MTNR1A: variants seen among roughly 807,000 people sequenced by gnomAD.
The protein encoded by MTNR1A is melatonin receptor type 1A.
In MTNR1A, 7 loss-of-function variants were observed where a neutral mutation model predicts 5.5. That is an observed-to-expected ratio of 1.28 (90% CI 0.73 to 2.40). The LOEUF (loss-of-function observed/expected upper bound fraction) is 2.40. MTNR1A is among the 30% of genes most tolerant of loss of function. MTNR1A has a pLI of 0.00. For synonymous variants in MTNR1A, 196 were observed against 202.7 expected (o/e 0.97, Z 0.28); for missense variants, 441 against 464.4 (o/e 0.95, Z 0.46).
At chr4:186,547,983 G>A (rs530538193) in intron 1 of MTNR1A, among the ~76,000 whole-genome samples, 1 of 152,128 alleles carries the variant, frequency 6.6e-6, no homozygotes, top group African/African-American at 2.4e-5. Context: ...CAGCCTGACT[G>A]GTTCAGCCTT....
chr4:186,539,489 C>T (rs1192967379), intron 1 of MTNR1A, among the ~76,000 whole-genome samples: 2 of 152,158 alleles, frequency 1.3e-5, no homozygotes, highest in Admixed American at 6.5e-5. Flanking sequence ...TGTGTTGACA[C>T]TTAATCGCCA....
At chr4:186,553,532 A>G (rs2126308341) in intron 1 of MTNR1A, among the ~76,000 whole-genome samples, 1 of 152,236 alleles carries the variant, frequency 6.6e-6, no homozygotes, top group East Asian at 1.9e-4. Context: ...TTTTTTTGAG[A>G]TGGAGTTTCA....
chr4:186,541,973 T>C (rs1459528603), intron 1 of MTNR1A, among the ~76,000 whole-genome samples: 1 of 152,226 alleles, frequency 6.6e-6, no homozygotes, highest in East Asian at 1.9e-4. Flanking sequence ...TATTTGTGTC[T>C]TGATGATGCA....
intron 1 of MTNR1A, among the ~76,000 whole-genome samples, chr4:186,537,085 G>A (rs1736873681): frequency 1.3e-5 from 2 of 151,176 alleles, no homozygotes; most frequent in East Asian, 1.9e-4. Context: ...TTATTTTATA[G>A]TAATTATGTT....
In MTNR1A at chr4:186,534,022, C is replaced by T. The variant is rs1299909715; in HGVS notation, c.720G>A (p.Met240Ile). The change falls in exon 2 of 2, where the codon ATG becomes ATA. Residue 240 changes from methionine (M) to isoleucine (I), a missense_variant. Transcript: ENST00000307161. ...KPQDFRNFVT[M>I]FVVFVLFAIC... ...TGGCAAAAAGGACAAAAACCACAAA[C>T]ATGGTGACAAAATTCCTGAAGTCCT... 5 of 1,614,152 alleles carry T rather than the reference C, an allele frequency of 3.1e-6. No individual in the cohort carries two copies. Among genetic ancestry groups the T allele is most frequent in the Admixed American group, 1.7e-5 (1 of 60,032 alleles).
In MTNR1A at chr4:186,534,056, A is replaced by G. The variant is rs769374717; in HGVS notation, c.686T>C (p.Leu229Pro). Reference sequence around the variant, plus strand: ...AAAATTCCTGAAGTCCTGTGGTTTCAGTTTGGGTTTGCGGTCAGGTTTCAC... The same window carrying G: ...AAAATTCCTGAAGTCCTGTGGTTTCGGTTTGGGTTTGCGGTCAGGTTTCAC... ...QRVKPDRKPK[L>P]KPQDFRNFVT... Residue 229 changes from leucine (L) to proline (P), a missense_variant, in exon 2 of 2, where the codon CTG (leucine) becomes CCG (proline). Transcript: ENST00000307161. The G allele has an allele frequency of 1.2e-6, 2 of 1,614,102 alleles. No individual in the cohort carries two copies. The highest frequency in any genetic ancestry group is 1.3e-5 in the African/African-American group (1 of 75,036).
intron 1 of MTNR1A, among the ~76,000 whole-genome samples, chr4:186,551,084 C>T (rs1737258091): frequency 6.6e-6 from 1 of 152,182 alleles, no homozygotes; most frequent in Non-Finnish European, 1.5e-5. Context: ...GCTTGGAGAT[C>T]GCATGAAGTG....
In MTNR1A at chr4:186,533,689, T is replaced by C. The variant is rs1169735439; in HGVS notation, c.1053A>G (p.Ter351=). 1.2e-6 allele frequency: 2 copies of C among 1,614,014 alleles called. No homozygotes were observed. The highest frequency in any genetic ancestry group is 1.7e-6 in the Non-Finnish European group (2 of 1,180,050). The stretch of plus-strand genomic sequence containing the variant: ...ATCTCACCCGGAACGTGGTGCTTTT[T>C]TAAACGGAGTCCACCTTTACTACAT... The part of the protein sequence containing the change: ...NNNVVKVDSV[*] The change falls in exon 2 of 2, where the codon TAA becomes TAG. Residue 351 remains the stop codon, a stop_retained_variant. Coordinates refer to ENST00000307161, the MANE Select transcript of MTNR1A (RefSeq NM_005958.4).
At chr4:186,549,654 T>C (rs1344002155) in intron 1 of MTNR1A, among the ~76,000 whole-genome samples, 1 of 152,230 alleles carries the variant, frequency 6.6e-6, no homozygotes, top group Non-Finnish European at 1.5e-5. Flanking sequence ...TTTCATACTT[T>C]TGTACCCCAA....
intron 1 of MTNR1A, among the ~76,000 whole-genome samples, chr4:186,541,201 G>C (rs1379660109): frequency 1.3e-5 from 2 of 152,168 alleles, no homozygotes; most frequent in Non-Finnish European, 2.9e-5. Context: ...CCTGAAATTG[G>C]ATGGTTGCAG....
At chr4:186,540,228 A>G (rs1400298077) in intron 1 of MTNR1A, among the ~76,000 whole-genome samples, 1 of 152,266 alleles carries the variant, frequency 6.6e-6, no homozygotes, top group Middle Eastern at 3.2e-3. Context: ...TGGTAATTCA[A>G]AATGAGATTT....
intron 1 of MTNR1A, among the ~76,000 whole-genome samples, chr4:186,541,143 AC>A (rs2111374938): frequency 6.6e-6 from 1 of 152,276 alleles, no homozygotes; most frequent in East Asian, 1.9e-4. Context: ...AAAGAAAAAA[AC>A]CTTCTTGCCT....
In MTNR1A at chr4:186,550,452, A is replaced by T. The variant is rs377364407; in HGVS notation, c.184+4730T>A. Among the ~76,000 whole-genome samples the T allele has an allele frequency of 2.3e-4, 35 of 152,292 alleles. No homozygotes were observed. The South Asian group carries it at 2.7e-3, about 12-fold the overall frequency. ...GCACCTTGTAAAGATCTTACCATTC[A>T]TTTCAGTTATTCTGTTGATTATTTT... is the stretch of plus-strand genomic sequence containing the variant. On this transcript the variant is annotated intron_variant, in intron 1 of 1. Coordinates refer to ENST00000307161, the MANE Select transcript of MTNR1A (RefSeq NM_005958.4).
At chr4:186,552,866 G>A (rs1737291198) in intron 1 of MTNR1A, among the ~76,000 whole-genome samples, 1 of 152,196 alleles carries the variant, frequency 6.6e-6, no homozygotes, top group Admixed American at 6.5e-5. Flanking sequence ...ATCAAATTGT[G>A]GACAAGAGTA....
intron 1 of MTNR1A, among the ~76,000 whole-genome samples, chr4:186,539,239 A>G (rs1302573919): frequency 5.6e-5 from 8 of 143,396 alleles, no homozygotes; most frequent in African/African-American, 1.8e-4. Flanking sequence ...AAAAAAGGCC[A>G]CCTGTATTCA....
At chr4:186,541,933 A>C (rs1488893176) in intron 1 of MTNR1A, among the ~76,000 whole-genome samples, 1 of 152,128 alleles carries the variant, frequency 6.6e-6, no homozygotes, top group African/African-American at 2.4e-5. Context: ...TAGCACACAG[A>C]CCTCTCAGAA....
Position 186,538,479 on chromosome 4 carries a change from G to T in MTNR1A, c.185-3922C>A, listed in dbSNP as rs567465520. Among the ~76,000 whole-genome samples, 9 of 152,196 alleles carry T rather than the reference G, an allele frequency of 5.9e-5. No homozygotes were observed. In the East Asian group the frequency reaches 1.7e-3, roughly 30 times the overall value. ...AGTCTCATCTGCTGCCCTGCAGGGG[G>T]TGGGTGACGGCAGTGTGCTCACAGC... On this transcript the variant is annotated intron_variant, in intron 1 of 1. Transcript: ENST00000307161.
intron 1 of MTNR1A, among the ~76,000 whole-genome samples, chr4:186,536,370 A>G (rs1263067693): frequency 2.9e-5 from 4 of 136,490 alleles, no homozygotes; most frequent in Non-Finnish European, 6.3e-5. Flanking sequence ...AAAAAAAAGA[A>G]AAAGAAAATT....
intron 1 of MTNR1A, among the ~76,000 whole-genome samples, chr4:186,550,837 G>T (rs970193279): frequency 6.6e-6 from 1 of 152,188 alleles, no homozygotes; most frequent in African/African-American, 2.4e-5. Flanking sequence ...ACTGTCATAA[G>T]ATTTACAGGG....
Sources: allele counts gnomAD v4.1 joint callset (sites outside exome capture counted in the v4.1 genomes callset), GRCh38; gene constraint gnomAD v4.1.1; transcripts MANE v1.5; gene names NCBI Gene and HGNC (gene_info 2026-07-23, HGNC 2026-07-21).